CELF2: variants seen among roughly 807,000 people sequenced by gnomAD.
CELF2 encodes the protein CUG triplet repeat RNA-binding protein 2.
Under a neutral mutation model 62.6 loss-of-function variants are expected in CELF2, and 8 were observed. That is an observed-to-expected ratio of 0.13 (90% CI 0.07 to 0.23). The LOEUF is 0.23. Among genes scored for constraint, CELF2 ranks in the 10% least tolerant of loss-of-function variants. The pLI is 1.00. For synonymous variants in CELF2, 258 were observed against 250.0 expected, an observed-to-expected ratio of 1.03 and a Z score of -0.30; for missense variants, 333 against 671.0, an observed-to-expected ratio of 0.50 and a Z score of 5.56.
At position 10,947,771 on chromosome 10, in the gene CELF2, G is replaced by C. The variant is rs2047862203; in HGVS notation, c.89+27772G>C. Among the ~76,000 whole-genome samples, 1 of 152,188 alleles carries C rather than the reference G, an allele frequency of 6.6e-6. No homozygotes were observed. Among genetic ancestry groups the C allele is most frequent in the African/African-American group, 2.4e-5 (1 of 41,444 alleles). ...GACACATACACACATCTTCACCACA[G>C]AAGAAAAATATGGCATTTGAGGAGA... On this transcript the variant is annotated intron_variant, in intron 2 of 13. Coordinates refer to the CELF2 transcript ENST00000636488. This position sits in a 1 kb window ranked among gnomAD's most constrained non-coding sequence, Gnocchi z 4.1.
At chr10:11,204,451 A>G (rs2059960665) in intron 2 of CELF2, among the ~76,000 whole-genome samples, 1 of 152,296 alleles carries the variant, frequency 6.6e-6, no homozygotes, top group African/African-American at 2.4e-5. Flanking sequence ...CCATATTGCT[A>G]TAGGGGAAGG....
At chr10:10,876,147 T>A in intron 1 of CELF2, among the ~76,000 whole-genome samples, 1 of 152,166 alleles carries the variant, frequency 6.6e-6, no homozygotes, top group East Asian at 1.9e-4. Flanking sequence ...AGGCTTATTC[T>A]AATCCCAGGG....
intron 1 of CELF2, among the ~76,000 whole-genome samples, chr10:11,118,375 C>G (rs1036288195): frequency 6.6e-6 from 1 of 152,050 alleles, no homozygotes; most frequent in African/African-American, 2.4e-5. Flanking sequence ...TTGTGTTGCC[C>G]AGGCTGGTCT....
At chr10:11,294,078 C>T (rs1195784907) in intron 9 of CELF2, among the ~76,000 whole-genome samples, 1 of 152,198 alleles carries the variant, frequency 6.6e-6, no homozygotes, top group Non-Finnish European at 1.5e-5. Flanking sequence ...TACACCAAAA[C>T]AATCATATGA....
intron 1 of CELF2, among the ~76,000 whole-genome samples, chr10:11,142,489 C>T (rs192175786): frequency 1.3e-5 from 2 of 152,058 alleles, no homozygotes; most frequent in Middle Eastern, 3.4e-3. Flanking sequence ...TCGAGACCAT[C>T]CTGGCTAACA....
the CELF2 span, among the ~76,000 whole-genome samples, chr10:10,645,005 C>T: frequency 6.6e-6 from 1 of 152,180 alleles, no homozygotes; most frequent in Non-Finnish European, 1.5e-5. Context: ...CGCCTCTCTC[C>T]CAGCAGCTGT....
intron 1 of CELF2, among the ~76,000 whole-genome samples, chr10:11,079,334 G>T (rs573119146): frequency 6.6e-6 from 1 of 152,248 alleles, no homozygotes; most frequent in South Asian, 2.1e-4. Flanking sequence ...CAGCTTTTAG[G>T]TTGAAGTACA....
At chr10:10,921,846 G>A (rs570299715) in intron 2 of CELF2, among the ~76,000 whole-genome samples, 2 of 152,308 alleles carry the variant, frequency 1.3e-5, no homozygotes, top group South Asian at 2.1e-4. Context: ...GTGAGCCCCC[G>A]CGCCTGGCTC....
intron 2 of CELF2, among the ~76,000 whole-genome samples, chr10:10,953,040 G>A (rs369882191): frequency 6.6e-6 from 1 of 152,168 alleles, no homozygotes; most frequent in Non-Finnish European, 1.5e-5. Flanking sequence ...CCTTCACATT[G>A]TGAGAAGATA....
the CELF2 span, among the ~76,000 whole-genome samples, chr10:10,760,887 G>A: frequency 2.6e-5 from 4 of 152,298 alleles, no homozygotes; most frequent in African/African-American, 4.8e-5. Context: ...AGCAAAGGTC[G>A]CATCACGCAA....
chr10:11,163,535 A>G lies in CELF2; in HGVS notation c.75-1951A>G, dbSNP rs935174470. ...AAAAGGATAGGTGCATAAGAACAAG[A>G]TAAACAATCTGGCTCTAATATAAAC... On this transcript the variant is annotated intron_variant, in intron 1 of 12. Coordinates refer to ENST00000633077, the MANE Select transcript of CELF2 (RefSeq NM_001326342.2). Among the ~76,000 whole-genome samples, 30 of 152,240 alleles carry G rather than the reference A, an allele frequency of 2.0e-4. 1 individual carries two copies. Among genetic ancestry groups the G allele is most frequent in the Non-Finnish European group, 3.7e-4 (25 of 68,042 alleles).
the CELF2 span, among the ~76,000 whole-genome samples, chr10:10,575,780 T>C: frequency 6.6e-6 from 1 of 152,164 alleles, no homozygotes; most frequent in Non-Finnish European, 1.5e-5. Flanking sequence ...TCAAGTAACA[T>C]ATAAATTAGG....
chr10:10,970,235 GT>G (rs1417134987), intron 2 of CELF2, among the ~76,000 whole-genome samples: 1 of 151,956 alleles, frequency 6.6e-6, no homozygotes, highest in Admixed American at 6.6e-5. Context: ...TGCCTGGCTA[GT>G]TTTTGCTTTT....
rs989126741 is a variant in CELF2, at chr10:10,845,713, G to GA, written c.53+46902dup. ...ACAATTTTTATGTATCAGTTATACA[G>GA]AAAAAATAAGTTTCATAACCAAACT... On this transcript the variant is annotated intron_variant, in intron 1 of 13. Transcript: ENST00000636488. Among the ~76,000 whole-genome samples, 133 of 152,154 alleles carry GA rather than the reference G, an allele frequency of 8.7e-4. 1 individual carries two copies. The highest frequency in any genetic ancestry group is 2.8e-3 in the African/African-American group (117 of 41,516).
At chr10:10,496,467 C>G in the CELF2 span, among the ~76,000 whole-genome samples, 1 of 152,142 alleles carries the variant, frequency 6.6e-6, no homozygotes, top group South Asian at 2.1e-4. Context: ...CTGTTCTTAT[C>G]TAACCTCCAC....
At chr10:11,192,884 T>C (rs1470232918) in intron 2 of CELF2, among the ~76,000 whole-genome samples, 1 of 152,214 alleles carries the variant, frequency 6.6e-6, no homozygotes, top group African/African-American at 2.4e-5. Flanking sequence ...GAGGTGATTC[T>C]AACGTGCAGC....
chr10:10,811,500 C>G (rs1379858056), intron 1 of CELF2, among the ~76,000 whole-genome samples: 3 of 152,072 alleles, frequency 2.0e-5, no homozygotes, highest in Non-Finnish European at 4.4e-5. Flanking sequence ...GGGCCCTGGT[C>G]TTCCTCGTGG....
rs116028817 is a variant in CELF2 at position 11,288,078 on chromosome 10, T to C, written c.842-340T>C. ...CCAGTCAGCACTGAAATCTCTCCTC[T>C]TTTCCACTTATCTCTACAGCATGGC... On this transcript the variant is annotated intron_variant, in intron 8 of 12. Coordinates refer to ENST00000633077, the MANE Select transcript of CELF2 (RefSeq NM_001326342.2). 7.2e-3 allele frequency among the ~76,000 whole-genome samples: 1,090 copies of C among 152,348 alleles called. 9 individuals are homozygous for C. Among genetic ancestry groups the C allele is most frequent in the African/African-American group, 0.025 (1,020 of 41,586 alleles).
At position 11,132,854 on chromosome 10, in the gene CELF2, A is replaced by G. The variant is rs543301415; in HGVS notation, c.75-32632A>G. Among the ~76,000 whole-genome samples the G allele has an allele frequency of 1.5e-4, 23 of 152,294 alleles. No homozygotes were observed. In the South Asian group the frequency reaches 4.4e-3, roughly 29 times the overall value. On this transcript the variant is annotated intron_variant, in intron 1 of 12. Coordinates refer to ENST00000633077, the MANE Select transcript of CELF2 (RefSeq NM_001326342.2). ...AAATATTAGTCATTCATGCAGTGAA[A>G]TTGCTTTGTTTTAAGCACCAATAGA...
Sources: gnomAD v4.1 joint callset for allele counts (sites outside exome capture counted in the v4.1 genomes callset) on GRCh38, gnomAD v4.1.1 for gene constraint, Gnocchi (gnomAD v3.1) non-coding constraint, MANE v1.5 for transcripts, NCBI Gene and HGNC (gene_info 2026-07-23, HGNC 2026-07-21) for gene names.